Variants in CCSER1 observed in about 807,000 individuals in gnomAD.
CCSER1 encodes coiled-coil serine rich protein 1.
Under a neutral mutation model 82.0 loss-of-function variants are expected in CCSER1, and 41 were observed. That is an observed-to-expected ratio of 0.50 (90% CI 0.39 to 0.65). CCSER1 has a LOEUF of 0.65. Among genes scored for constraint, CCSER1 ranks in the 30% least tolerant of loss-of-function variants. The pLI is 0.00. For synonymous variants in CCSER1, 414 were observed against 383.9 expected, an observed-to-expected ratio of 1.08 and a Z score of -0.92; for missense variants, 1,119 against 1,064.2, an observed-to-expected ratio of 1.05 and a Z score of -0.72.
intron 1 of CCSER1, among the ~76,000 whole-genome samples, chr4:90,256,662 T>C (rs1186670562): frequency 2.6e-5 from 4 of 152,134 alleles, no homozygotes; most frequent in Non-Finnish European, 4.4e-5. Flanking sequence ...AAGATATAAG[T>C]TTGCATAGTT....
At chr4:90,687,310 A>G (rs1222571827) in intron 6 of CCSER1, among the ~76,000 whole-genome samples, 1 of 152,044 alleles carries the variant, frequency 6.6e-6, no homozygotes, top group Non-Finnish European at 1.5e-5. Flanking sequence ...CTTACTCTGC[A>G]TCTCATTTGC....
rs181952307 is a variant in CCSER1 at position 91,488,132 on chromosome 4, G to A, written c.2218-110440G>A. 3.8e-3 allele frequency among the ~76,000 whole-genome samples: 584 copies of A among 152,122 alleles called. 5 individuals carry two copies. Among genetic ancestry groups the A allele is most frequent in the Middle Eastern group, 0.038 (11 of 292 alleles). ...TAGTATACTTCAAAAGGAAAAAAAC[G>A]CAGGGTGTTCAATCAATATTTTCTA... is the stretch of plus-strand genomic sequence containing the variant. On this transcript the variant is annotated intron_variant, in intron 10 of 10. Coordinates refer to ENST00000509176, the MANE Select transcript of CCSER1 (RefSeq NM_001145065.2).
chr4:91,557,454 G>A (rs1030782414), intron 10 of CCSER1, among the ~76,000 whole-genome samples: 1 of 151,018 alleles, frequency 6.6e-6, no homozygotes, highest in Non-Finnish European at 1.5e-5. Context: ...AACTTGGGAA[G>A]GTAAGATAAT....
intron 10 of CCSER1, among the ~76,000 whole-genome samples, chr4:91,408,939 A>T (rs1433193186): frequency 6.6e-6 from 1 of 152,228 alleles, no homozygotes; most frequent in Admixed American, 6.5e-5. Context: ...GGATACCCTC[A>T]GGTCAGACCT....
intron 9 of CCSER1, among the ~76,000 whole-genome samples, chr4:90,978,442 G>A (rs1266881965): frequency 6.6e-6 from 1 of 151,540 alleles, no homozygotes; most frequent in African/African-American, 2.4e-5. Context: ...TACCTCTCAA[G>A]AGTCTGTCTT....
chr4:90,301,541 T>C (rs752475784), intron 1 of CCSER1, among the ~76,000 whole-genome samples: 2 of 152,186 alleles, frequency 1.3e-5, no homozygotes, highest in African/African-American at 2.4e-5. Flanking sequence ...TAATCTTATC[T>C]TTTGTTTATT....
chr4:90,791,809 G>A (rs1264107006), intron 7 of CCSER1, among the ~76,000 whole-genome samples: 3 of 144,140 alleles, frequency 2.1e-5, no homozygotes, highest in Non-Finnish European at 4.6e-5. Context: ...GCTACACAGC[G>A]AGACTGTCTC....
At chr4:91,524,879 A>T (rs1404853020) in intron 10 of CCSER1, among the ~76,000 whole-genome samples, 1 of 152,152 alleles carries the variant, frequency 6.6e-6, no homozygotes, top group East Asian at 1.9e-4. Context: ...CACATAGGAC[A>T]TAGTATTTCC....
chr4:90,930,061 T>C (rs1444621009), intron 9 of CCSER1, among the ~76,000 whole-genome samples: 2 of 152,190 alleles, frequency 1.3e-5, no homozygotes, highest in Non-Finnish European at 2.9e-5. Flanking sequence ...CAGGAGGTTT[T>C]ATATAGTTTA....
At chr4:90,617,967 CTG>C (rs1267327124) in intron 5 of CCSER1, among the ~76,000 whole-genome samples, 1 of 151,810 alleles carries the variant, frequency 6.6e-6, no homozygotes, top group Non-Finnish European at 1.5e-5. Context: ...GTGTGTGTGG[CTG>C]TGAGTGGGTA....
chr4:91,066,006 TAATTA>T (rs1032398044), intron 9 of CCSER1, among the ~76,000 whole-genome samples: 1 of 152,214 alleles, frequency 6.6e-6, no homozygotes, highest in African/African-American at 2.4e-5. Flanking sequence ...TTCATCCATT[TAATTA>T]AAATTTTCTT....
intron 9 of CCSER1, among the ~76,000 whole-genome samples, chr4:91,069,986 A>ATTT (rs70965471): frequency 6.8e-6 from 1 of 146,618 alleles, no homozygotes; most frequent in African/African-American, 2.5e-5. Context: ...ACCTTTTTTA[A>ATTT]TTTTTTTTTT....
At chr4:90,768,924 C>A (rs2149553351) in intron 7 of CCSER1, among the ~76,000 whole-genome samples, 1 of 152,212 alleles carries the variant, frequency 6.6e-6, no homozygotes, top group East Asian at 1.9e-4. Context: ...AATTCTCAGC[C>A]TCTCTAGAAA....
At chr4:90,718,426 G>C (rs1272553453) in intron 6 of CCSER1, among the ~76,000 whole-genome samples, 1 of 152,052 alleles carries the variant, frequency 6.6e-6, no homozygotes, top group Admixed American at 6.6e-5. Flanking sequence ...TAATGGATCT[G>C]TACTATGGAA....
rs1173807762 is a variant in CCSER1, at chr4:91,588,672, A to G, written c.2218-9900A>G. On this transcript the variant is annotated intron_variant, in intron 10 of 10. Transcript: ENST00000509176. ...TCTTTTGATGTTTTAAATTCTTTGA[A>G]GGACGTTCAAGTAGTATTATGTTCA... is the stretch of plus-strand genomic sequence containing the variant. Among the ~76,000 whole-genome samples, 3 of 151,714 alleles carry G rather than the reference A, an allele frequency of 2.0e-5. No individual in the cohort carries two copies. The Admixed American group carries it at 2.0e-4, about 10-fold the overall frequency.
chr4:90,578,081 G>C (rs1278255621), intron 5 of CCSER1, among the ~76,000 whole-genome samples: 1 of 152,050 alleles, frequency 6.6e-6, no homozygotes, highest in Non-Finnish European at 1.5e-5. Flanking sequence ...CAGTATCTAA[G>C]ACTAAATACC....
chr4:91,457,529 G>A (rs1337239557), intron 10 of CCSER1, among the ~76,000 whole-genome samples: 2 of 152,084 alleles, frequency 1.3e-5, no homozygotes, highest in African/African-American at 4.8e-5. Flanking sequence ...AATTAGTCAT[G>A]TGTGGTGGCG....
At chr4:91,569,798 C>T (rs1588983) in intron 10 of CCSER1, among the ~76,000 whole-genome samples, 1 of 152,270 alleles carries the variant, frequency 6.6e-6, no homozygotes, top group South Asian at 2.1e-4. Flanking sequence ...TCTGCCCCTG[C>T]CTCCTCCCAA....
At chr4:90,608,947 G>A (rs1301948550) in intron 5 of CCSER1, among the ~76,000 whole-genome samples, 1 of 151,768 alleles carries the variant, frequency 6.6e-6, no homozygotes, top group East Asian at 1.9e-4. Flanking sequence ...TTATGATTTT[G>A]TTGATTTTTT....
Sources: allele counts gnomAD v4.1 joint callset (sites outside exome capture counted in the v4.1 genomes callset), GRCh38; gene constraint gnomAD v4.1.1; transcripts MANE v1.5; gene names NCBI Gene and HGNC (gene_info 2026-07-23, HGNC 2026-07-21).